DLGAP2: variants seen among roughly 807,000 people sequenced by gnomAD.
The protein encoded by DLGAP2 is disks large-associated protein 2.
A neutral mutation model predicts 100.3 loss-of-function variants in DLGAP2; 26 were observed. The ratio of observed to expected loss-of-function variants is 0.26; its 90% confidence interval spans 0.19 to 0.36. DLGAP2 has a LOEUF of 0.36. DLGAP2 is among the 10% of genes least tolerant of loss of function. The probability of loss-of-function intolerance (pLI) is 1.00; values close to 1 mark genes in which losing one functional copy is unlikely to be tolerated. For synonymous variants in DLGAP2, 886 were observed against 630.1 expected (o/e 1.41, Z -6.08); for missense variants, 1,858 against 1,453.2 (o/e 1.28, Z -4.53).
intron 3 of DLGAP2, among the ~76,000 whole-genome samples, chr8:1,494,838 C>G (rs1321187938): frequency 2.0e-5 from 3 of 152,180 alleles, no homozygotes; most frequent in Non-Finnish European, 4.4e-5. Flanking sequence ...GGGGTTGAGG[C>G]TCAGCTTCAC....
At chr8:1,132,451 T>C (rs1270199128) in intron 2 of DLGAP2, among the ~76,000 whole-genome samples, 1 of 152,184 alleles carries the variant, frequency 6.6e-6, no homozygotes, top group Non-Finnish European at 1.5e-5. Context: ...AGTGCAAGGT[T>C]AAGAATCAAC....
intron 2 of DLGAP2, among the ~76,000 whole-genome samples, chr8:990,236 T>A (rs1484191567): frequency 6.6e-6 from 1 of 152,032 alleles, no homozygotes; most frequent in Non-Finnish European, 1.5e-5. Flanking sequence ...TGTGTCGTGA[T>A]GTTGCCATGT....
rs142225004 is a variant in DLGAP2, at chr8:1,294,474, C to T, written c.106+35591C>T. Reference sequence around the variant, plus strand: ...ACCATGTGTTGAAACACATTCTCACCGTCACGTTCTAAGTGTGATTGGTGA... The same window carrying T: ...ACCATGTGTTGAAACACATTCTCACTGTCACGTTCTAAGTGTGATTGGTGA... On this transcript the variant is annotated intron_variant, in intron 3 of 14. Transcript: ENST00000637795. Among the ~76,000 whole-genome samples the T allele has an allele frequency of 2.9e-3, 449 of 152,220 alleles. 2 individuals carry two copies. Among genetic ancestry groups the T allele is most frequent in the Non-Finnish European group, 4.7e-3 (323 of 68,014 alleles).
In DLGAP2 at chr8:1,553,090, G is replaced by A. The variant is rs115696842; in HGVS notation, c.1230+3407G>A. ...AGGGAGGGAGAGACGCCGCCTCCCC[G>A]GGAAGGCTCCTGGCGGCATCAGATG... On this transcript the variant is annotated intron_variant, in intron 5 of 14. Coordinates refer to ENST00000637795, the MANE Select transcript of DLGAP2 (RefSeq NM_001346810.2). Among the ~76,000 whole-genome samples, 779 of 152,204 alleles carry A rather than the reference G, an allele frequency of 5.1e-3. 8 individuals are homozygous for A. The highest frequency in any genetic ancestry group is 0.018 in the African/African-American group (732 of 41,524).
intron 3 of DLGAP2, among the ~76,000 whole-genome samples, chr8:1,272,971 A>G (rs1455233035): frequency 1.3e-5 from 2 of 152,146 alleles, no homozygotes; most frequent in Non-Finnish European, 2.9e-5. Context: ...CTGGGAAGGA[A>G]TGTTCGGAGT....
chr8:1,459,251 A>C (rs1798405506), intron 3 of DLGAP2, among the ~76,000 whole-genome samples: 1 of 136,812 alleles, frequency 7.3e-6, no homozygotes. Flanking sequence ...CAGGAGTGAC[A>C]GCCAGCTGGT....
chr8:1,388,978 GGC>G (rs1417709491), intron 3 of DLGAP2, among the ~76,000 whole-genome samples: 2 of 143,836 alleles, frequency 1.4e-5, no homozygotes, highest in Non-Finnish European at 3.0e-5. Flanking sequence ...TGGATGAGGA[GGC>G]GCTGGTTCAG....
At chr8:1,056,128 A>G (rs577585142) in intron 2 of DLGAP2, among the ~76,000 whole-genome samples, 1 of 152,198 alleles carries the variant, frequency 6.6e-6, no homozygotes, top group Admixed American at 6.5e-5. Flanking sequence ...GTAACACTGG[A>G]GGGCTTTTAG....
chr8:1,268,614 G>C (rs898936883), intron 3 of DLGAP2, among the ~76,000 whole-genome samples: 5 of 152,180 alleles, frequency 3.3e-5, no homozygotes, highest in African/African-American at 1.2e-4. Context: ...TGAGAGTCAA[G>C]TATCCTTAAG....
intron 2 of DLGAP2, among the ~76,000 whole-genome samples, chr8:993,580 T>C (rs1800690672): frequency 6.6e-6 from 1 of 152,154 alleles, no homozygotes; most frequent in Non-Finnish European, 1.5e-5. Context: ...CTGCTGGTCA[T>C]CTCAGCTCGT....
chr8:1,483,380 C>T (rs779725337), intron 3 of DLGAP2, among the ~76,000 whole-genome samples: 2 of 152,178 alleles, frequency 1.3e-5, no homozygotes, highest in Non-Finnish European at 2.9e-5. Flanking sequence ...CTCCAGGCGC[C>T]ACGTGGAGAT....
chr8:1,265,899 T>C (rs1799440540), intron 3 of DLGAP2, among the ~76,000 whole-genome samples: 1 of 152,134 alleles, frequency 6.6e-6, no homozygotes, highest in South Asian at 2.1e-4. Context: ...ACAAAGCACA[T>C]GGTAGGATGA....
At chr8:1,641,896 G>A in intron 8 of DLGAP2, among the ~76,000 whole-genome samples, 1 of 129,498 alleles carries the variant, frequency 7.7e-6, no homozygotes, top group Non-Finnish European at 1.6e-5. Flanking sequence ...CCTCACCTGT[G>A]TCACCCTCGA....
chr8:1,426,012 C>T (rs546174585), intron 3 of DLGAP2, among the ~76,000 whole-genome samples: 2 of 152,150 alleles, frequency 1.3e-5, no homozygotes, highest in Non-Finnish European at 2.9e-5. Context: ...AAGGTGAATG[C>T]GTGGGTGTGG....
chr8:1,700,702 T>C (rs1452842129), intron 14 of DLGAP2, among the ~76,000 whole-genome samples: 1 of 152,172 alleles, frequency 6.6e-6, no homozygotes, highest in Non-Finnish European at 1.5e-5. Context: ...GGGCCAGTGT[T>C]TCCCCGCACA....
intron 3 of DLGAP2, among the ~76,000 whole-genome samples, chr8:1,291,188 A>T (rs1349019629): frequency 1.3e-5 from 2 of 152,174 alleles, no homozygotes; most frequent in African/African-American, 4.8e-5. Flanking sequence ...TGTTGAACAT[A>T]AATGGTGTAA....
At chr8:1,342,650 G>A (rs1188954239) in intron 3 of DLGAP2, among the ~76,000 whole-genome samples, 3 of 152,216 alleles carry the variant, frequency 2.0e-5, no homozygotes, top group Non-Finnish European at 4.4e-5. Context: ...ACATGCGAAT[G>A]CTGAATTTTC....
chr8:1,521,971 GGC>G (rs1800615795), intron 4 of DLGAP2, among the ~76,000 whole-genome samples: 1 of 147,198 alleles, frequency 6.8e-6, no homozygotes, highest in African/African-American at 2.6e-5. Context: ...GCTGATATGG[GGC>G]GTCTCTGGTT....
intron 6 of DLGAP2, among the ~76,000 whole-genome samples, chr8:1,615,320 C>T (rs1797114692): frequency 6.6e-6 from 1 of 152,142 alleles, no homozygotes; most frequent in Non-Finnish European, 1.5e-5. Flanking sequence ...GGAGGATCGG[C>T]CACAACCAAA....
Sources: gnomAD v4.1 joint callset for allele counts (sites outside exome capture counted in the v4.1 genomes callset) on GRCh38, gnomAD v4.1.1 for gene constraint, MANE v1.5 for transcripts, NCBI Gene and HGNC (gene_info 2026-07-23, HGNC 2026-07-21) for gene names.